Variants in DZIP1 observed in about 807,000 individuals in gnomAD.
The protein encoded by DZIP1 is cilium assembly protein DZIP1.
Under a neutral mutation model 107.6 loss-of-function variants are expected in DZIP1, and 97 were observed. The observed-to-expected ratio is 0.90, with a 90% CI of 0.77 to 1.07. DZIP1 has a LOEUF of 1.07. Ranked by LOEUF, DZIP1 falls within the 50% of genes least tolerant of loss-of-function variation. DZIP1 has a pLI of 0.00. For synonymous variants in DZIP1, 390 were observed against 386.4 expected, an observed-to-expected ratio of 1.01 and a Z score of -0.11; for missense variants, 1,035 against 1,063.6, an observed-to-expected ratio of 0.97 and a Z score of 0.37.
chr13:95,614,219 G>A (rs1286369304), intron 10 of DZIP1, among the ~76,000 whole-genome samples: 1 of 151,884 alleles, frequency 6.6e-6, no homozygotes, highest in Non-Finnish European at 1.5e-5. Context: ...GACAAACACT[G>A]GGTGGAACCA....
At position 95,641,284 on chromosome 13, in the gene DZIP1, C is replaced by G. The variant is rs757847939; in HGVS notation, c.597+11G>C. On this transcript the variant is annotated intron_variant, in intron 5 of 22. Coordinates refer to ENST00000376829, the MANE Select transcript of DZIP1 (RefSeq NM_198968.4). The surrounding 1 kb of genome is among the most constrained non-coding windows in gnomAD (Gnocchi z 4.3). Reference sequence around the variant, plus strand: ...CTGGATTATGAATCGTGCTCACACACAGCTGCCCACCTGGTAATAGTTGGC... The same window carrying G: ...CTGGATTATGAATCGTGCTCACACAGAGCTGCCCACCTGGTAATAGTTGGC... 3 of 1,564,600 alleles carry G rather than the reference C, an allele frequency of 1.9e-6. No individual in the cohort carries two copies. Among genetic ancestry groups the G allele is most frequent in the East Asian group, 2.3e-5 (1 of 44,140 alleles).
intron 7 of DZIP1, among the ~76,000 whole-genome samples, chr13:95,627,008 A>G (rs1566418477): frequency 6.6e-6 from 1 of 152,244 alleles, no homozygotes; most frequent in Non-Finnish European, 1.5e-5. Context: ...GGAAAAGCCA[A>G]TCCTCAATTT....
chr13:95,624,383 G>C (rs907837837), intron 8 of DZIP1, among the ~76,000 whole-genome samples: 2 of 152,198 alleles, frequency 1.3e-5, no homozygotes, highest in South Asian at 2.1e-4. Context: ...CTGGGTTGAG[G>C]AGGGAGCCTG....
chr13:95,631,525 G>A (rs550407567), intron 6 of DZIP1, among the ~76,000 whole-genome samples: 1 of 152,114 alleles, frequency 6.6e-6, no homozygotes, highest in Admixed American at 6.5e-5. Context: ...GTGGCAATCT[G>A]CAGGAAGCTT....
intron 21 of DZIP1, 83 bp downstream of exon 21, chr13:95,585,923 A>G (rs1330625622): frequency 7.2e-7 from 1 of 1,381,978 alleles, no homozygotes; most frequent in African/African-American, 1.5e-5. Context: ...TATCTGTTTT[A>G]TATTTCACTA....
chr13:95,629,441 C>T (rs1395884781), intron 7 of DZIP1, among the ~76,000 whole-genome samples: 1 of 152,100 alleles, frequency 6.6e-6, no homozygotes, highest in Non-Finnish European at 1.5e-5. Flanking sequence ...GGAAACAGAT[C>T]GGAAGCATGA....
intron 16 of DZIP1, among the ~76,000 whole-genome samples, chr13:95,591,663 A>G (rs2044316106): frequency 6.6e-6 from 1 of 152,156 alleles, no homozygotes; most frequent in African/African-American, 2.4e-5. Context: ...ACCTCATATA[A>G]TCTAAATTAG....
At chr13:95,585,104 C>A (rs138842686) in intron 21 of DZIP1, among the ~76,000 whole-genome samples, 194 bp from the exon 22 acceptor site, 3 of 152,194 alleles carry the variant, frequency 2.0e-5, no homozygotes, top group Non-Finnish European at 4.4e-5. Flanking sequence ...AAATCTGAAT[C>A]ATCTCTTTTT....
intron 20 of DZIP1, among the ~76,000 whole-genome samples, chr13:95,586,887 T>C (rs2044174106): frequency 6.6e-6 from 1 of 152,200 alleles, no homozygotes; most frequent in South Asian, 2.1e-4. Flanking sequence ...CTTCCTTTAG[T>C]ATTACTCCAG....
At chr13:95,639,510 G>A (rs921061210) in intron 5 of DZIP1, among the ~76,000 whole-genome samples, 1 of 149,568 alleles carries the variant, frequency 6.7e-6, no homozygotes, top group African/African-American at 2.5e-5. Context: ...AAAATCGCTT[G>A]AACGCGGGAG....
At chr13:95,585,325 C>T (rs1190665886) in intron 21 of DZIP1, among the ~76,000 whole-genome samples, 1 of 152,130 alleles carries the variant, frequency 6.6e-6, no homozygotes, top group African/African-American at 2.4e-5. Flanking sequence ...CTGAAAGGTG[C>T]ACACAGTTCT....
chr13:95,620,578 T>C (rs1345028415), intron 9 of DZIP1, among the ~76,000 whole-genome samples: 2 of 152,154 alleles, frequency 1.3e-5, no homozygotes, highest in East Asian at 3.9e-4. Context: ...CCAGACAACT[T>C]GGTCACAACA....
intron 18 of DZIP1, 150 bp from the exon 19 acceptor site, chr13:95,589,357 G>A: frequency 1.6e-6 from 1 of 644,042 alleles, no homozygotes. Flanking sequence ...TTAGAGACTG[G>A]TAGGAATTAC....
chr13:95,622,442 C>A lies in DZIP1; in HGVS notation c.1011G>T (p.Lys337Asn). The stretch of plus-strand genomic sequence containing the variant: ...CATCTTTTAATGTGCCTATGTTGGA[C>A]TTGATCTGCATATTGGACTTCTGGA... ...SEIQKSNMQI[K>N]SNIGTLKDAH... The change falls in exon 9 of 23, where the codon AAG becomes AAT. Residue 337 changes from lysine (K) to asparagine (N), a missense_variant. Lys to Asn is a moderately conservative substitution (Grantham distance 94). Coordinates refer to ENST00000376829, the MANE Select transcript of DZIP1 (RefSeq NM_198968.4). 1 of 1,614,174 alleles carries A rather than the reference C, an allele frequency of 6.2e-7. No homozygotes were observed. Among genetic ancestry groups the A allele is most frequent in the Non-Finnish European group, 8.5e-7 (1 of 1,180,024 alleles).
chr13:95,631,970 G>A (rs977180253), intron 6 of DZIP1, among the ~76,000 whole-genome samples: 6 of 152,208 alleles, frequency 3.9e-5, no homozygotes, highest in South Asian at 4.2e-4. Context: ...GTACCTCAGC[G>A]GCATTTGATA....
intron 5 of DZIP1, among the ~76,000 whole-genome samples, chr13:95,638,996 A>G (rs1260636694): frequency 6.6e-6 from 1 of 152,218 alleles, no homozygotes; most frequent in Non-Finnish European, 1.5e-5. Context: ...GTAGTAAGTC[A>G]GCTTTAGTAT....
chr13:95,587,457 G>T (rs2044190729), intron 20 of DZIP1, 82 bp downstream of exon 20: 1 of 1,537,956 alleles, frequency 6.5e-7, no homozygotes, highest in Non-Finnish European at 8.8e-7. Flanking sequence ...TCCCAGCTCA[G>T]ACTCCCAGTG....
chr13:95,594,146 C>G (rs549428311), intron 15 of DZIP1, 60 bp from the exon 16 acceptor site: 549 of 1,404,922 alleles, frequency 3.9e-4, no homozygotes, highest in Non-Finnish European at 5.0e-4. Flanking sequence ...TCAAAAATCT[C>G]TAAGCAGAAA....
At chr13:95,626,251 T>C (rs1365757096) in intron 7 of DZIP1, among the ~76,000 whole-genome samples, 1 of 152,012 alleles carries the variant, frequency 6.6e-6, no homozygotes, top group Non-Finnish European at 1.5e-5. Flanking sequence ...AGAGCAAAGA[T>C]AAAGCAAAGA....
Sources: gnomAD v4.1 joint callset for allele counts (sites outside exome capture counted in the v4.1 genomes callset) on GRCh38, gnomAD v4.1.1 for gene constraint, Gnocchi (gnomAD v3.1) non-coding constraint, MANE v1.5 for transcripts, NCBI Gene and HGNC (gene_info 2026-07-23, HGNC 2026-07-21) for gene names.